Variants in FAAH2 observed in about 807,000 individuals in gnomAD.
FAAH2 encodes fatty-acid amide hydrolase 2.
Under a neutral mutation model 36.9 loss-of-function variants are expected in FAAH2, and 60 were observed. The ratio of observed to expected loss-of-function variants is 1.63; its 90% confidence interval spans 1.32 to 2.02. The LOEUF (loss-of-function observed/expected upper bound fraction) is 2.02, where lower values mean the gene tolerates loss of function less well. Ranked by LOEUF, FAAH2 falls within the 30% of genes most tolerant of loss-of-function variation. The probability of loss-of-function intolerance (pLI) is 0.00; values close to 1 mark genes in which losing one functional copy is unlikely to be tolerated. For missense variants in FAAH2, 689 were observed against 397.5 expected, an observed-to-expected ratio of 1.73 and a Z score of -6.23; for synonymous variants, 214 against 143.8, an observed-to-expected ratio of 1.49 and a Z score of -3.49.
chrX:57,371,744 T>G (rs2054557370), intron 5 of FAAH2, among the ~76,000 whole-genome samples: 1 of 110,999 alleles, frequency 9.0e-6, no homozygotes, highest in South Asian at 3.8e-4. Context: ...TGATTGAACC[T>G]GTTACCCAGG....
At chrX:57,308,920 G>A (rs1200554899) in intron 2 of FAAH2, among the ~76,000 whole-genome samples, 1 of 111,904 alleles carries the variant, frequency 8.9e-6, no homozygotes, top group Non-Finnish European at 1.9e-5. Context: ...ACTAGGAAAT[G>A]AGAGTTCCCT....
At chrX:57,216,610 G>A in the FAAH2 span, among the ~76,000 whole-genome samples, 1 of 8,672 alleles carries the variant, frequency 1.2e-4, no homozygotes, top group Admixed American at 2.0e-3. Flanking sequence ...ATATATATAC[G>A]TATATATATA....
the FAAH2 span, among the ~76,000 whole-genome samples, chrX:57,202,476 C>A: frequency 1.8e-5 from 2 of 111,798 alleles, no homozygotes; most frequent in African/African-American, 6.5e-5. Context: ...TCTTTACTTT[C>A]TCCTAAGCAA....
the FAAH2 span, among the ~76,000 whole-genome samples, chrX:57,123,688 C>T: frequency 4.5e-5 from 5 of 112,071 alleles, no homozygotes; most frequent in Non-Finnish European, 7.5e-5. Context: ...TTTTAATGAT[C>T]GCCATTCTAA....
intron 1 of FAAH2, among the ~76,000 whole-genome samples, chrX:57,288,585 C>T (rs2051887940): frequency 9.2e-6 from 1 of 109,115 alleles, no homozygotes. Flanking sequence ...CTCCGGACCT[C>T]GTGATCCACC....
intron 7 of FAAH2, chrX:57,395,135 TAGAGTCTTCATTCAA>T: frequency 1.9e-6 from 1 of 538,425 alleles, no homozygotes; most frequent in Non-Finnish European, 3.5e-6. Context: ...CCGTGTACAG[TAGAGTCTTCATTCAA>T]AGATATGATG....
At chrX:57,330,564 G>A (rs2053372854) in intron 3 of FAAH2, among the ~76,000 whole-genome samples, 1 of 110,947 alleles carries the variant, frequency 9.0e-6, no homozygotes, top group South Asian at 3.8e-4. Flanking sequence ...ATTATGTTGT[G>A]AAGTAGGTGA....
At chrX:57,449,549 G>A (rs769095931) in intron 10 of FAAH2, among the ~76,000 whole-genome samples, 23 of 111,448 alleles carry the variant, frequency 2.1e-4, no homozygotes, top group Admixed American at 7.6e-4. Context: ...AAGGGTTGTG[G>A]AGGATGAGGG....
At chrX:57,380,122 C>G (rs1476675286) in intron 6 of FAAH2, among the ~76,000 whole-genome samples, 1 of 110,846 alleles carries the variant, frequency 9.0e-6, no homozygotes, top group Admixed American at 9.6e-5. Flanking sequence ...TATGGACAAT[C>G]CACCCTTTTG....
chrX:57,273,050 A>C, the FAAH2 span, among the ~76,000 whole-genome samples: 1 of 112,061 alleles, frequency 8.9e-6, no homozygotes, highest in African/African-American at 3.2e-5. Context: ...TAGGCTCAAA[A>C]TAAAGGGATG....
intron 10 of FAAH2, among the ~76,000 whole-genome samples, chrX:57,465,073 G>T (rs925192231): frequency 9.0e-6 from 1 of 111,521 alleles, no homozygotes; most frequent in Admixed American, 9.6e-5. Flanking sequence ...AAAGCAAATA[G>T]AAATTTTGAA....
At chrX:57,444,645 G>A (rs2056635617) in intron 8 of FAAH2, among the ~76,000 whole-genome samples, 1 of 111,349 alleles carries the variant, frequency 9.0e-6, no homozygotes, top group South Asian at 3.8e-4. Flanking sequence ...GGTTGGAAAT[G>A]CAAAAATCAC....
Position 57,431,994 on chromosome X carries a change from A to T in FAAH2, c.1073A>T (p.Gln358Leu). 8.3e-7 allele frequency: 1 copy of T among 1,207,219 alleles called. No individual in the cohort carries two copies. The highest frequency in any genetic ancestry group is 1.8e-5 in the South Asian group (1 of 56,591). Residue 358 changes from glutamine (Q) to leucine (L), a missense_variant, in exon 8 of 11, where the codon CAG (glutamine) becomes CTG (leucine). Gln to Leu is a moderately radical substitution (Grantham distance 113). Transcript: ENST00000374900. ...VKLKKMKYSF[Q>L]LWIAMMSAKG... ...CTGAAGAAAATGAAGTACTCTTTTC[A>T]GTTGTGGATCGCAATGATGTCAGCA...
At chrX:57,462,243 G>A (rs1472909789) in intron 10 of FAAH2, among the ~76,000 whole-genome samples, 1 of 108,842 alleles carries the variant, frequency 9.2e-6, no homozygotes, top group Non-Finnish European at 1.9e-5. Flanking sequence ...AGAGCAGTTG[G>A]TACTATTCCT....
At chrX:57,316,192 C>T (rs746504201) in intron 3 of FAAH2, among the ~76,000 whole-genome samples, 15 of 110,929 alleles carry the variant, frequency 1.4e-4, no homozygotes, top group South Asian at 7.6e-4. Context: ...AAGATCTCTA[C>T]GAGAACTGCA....
At chrX:57,470,546 G>C (rs2057145093) in intron 10 of FAAH2, among the ~76,000 whole-genome samples, 1 of 110,969 alleles carries the variant, frequency 9.0e-6, no homozygotes, top group African/African-American at 3.3e-5. Flanking sequence ...GACTAAACCA[G>C]GAAGAACATG....
At chrX:57,230,256 G>T in the FAAH2 span, among the ~76,000 whole-genome samples, 3 of 111,818 alleles carry the variant, frequency 2.7e-5, no homozygotes, top group African/African-American at 9.7e-5. Flanking sequence ...AACCTCTCTT[G>T]CCAATTCCAA....
chrX:57,297,355 G>C (rs1449540437), intron 2 of FAAH2, among the ~76,000 whole-genome samples: 1 of 109,759 alleles, frequency 9.1e-6, no homozygotes, highest in East Asian at 2.9e-4. Context: ...GCCAAACTAA[G>C]CTTCATAAGT....
At chrX:57,160,417 A>G in the FAAH2 span, among the ~76,000 whole-genome samples, 3 of 112,019 alleles carry the variant, frequency 2.7e-5, no homozygotes, top group Non-Finnish European at 5.6e-5. Flanking sequence ...AAGGAATGGT[A>G]TCAGCTCCTC....
Sources: allele counts gnomAD v4.1 joint callset (sites outside exome capture counted in the v4.1 genomes callset), GRCh38; gene constraint gnomAD v4.1.1; transcripts MANE v1.5; gene names NCBI Gene and HGNC (gene_info 2026-07-23, HGNC 2026-07-21).